A1CF: variants seen among roughly 807,000 people sequenced by gnomAD.
The protein encoded by A1CF is APOBEC-1 stimulating protein.
Under a neutral mutation model 68.9 loss-of-function variants are expected in A1CF, and 48 were observed. The observed-to-expected ratio is 0.70, with a 90% CI of 0.55 to 0.89. A1CF has a LOEUF of 0.89. A1CF is among the 40% of genes least tolerant of loss of function. The pLI, the probability that A1CF is intolerant of heterozygous loss-of-function variation, is 0.00. For missense variants in A1CF, 653 were observed against 718.9 expected (o/e 0.91, Z 1.05); for synonymous variants, 272 against 260.4 (o/e 1.04, Z -0.43).
chr10:50,869,117 C>T (rs976356289), intron 1 of A1CF, among the ~76,000 whole-genome samples: 4 of 151,892 alleles, frequency 2.6e-5, no homozygotes, highest in Non-Finnish European at 5.9e-5. Flanking sequence ...TAAATCTGCA[C>T]TTGTATCCCT....
intron 7 of A1CF, among the ~76,000 whole-genome samples, chr10:50,825,982 A>G (rs1333406205): frequency 6.6e-6 from 1 of 152,150 alleles, no homozygotes; most frequent in Non-Finnish European, 1.5e-5. Flanking sequence ...GGATGCTGCT[A>G]AACATCCTAC....
At chr10:50,881,805 G>A (rs185161908) in intron 1 of A1CF, among the ~76,000 whole-genome samples, 27 of 152,214 alleles carry the variant, frequency 1.8e-4, no homozygotes, top group Middle Eastern at 6.8e-3. Context: ...ACTTAACTGT[G>A]CAAATCAGAA....
chr10:50,819,371 C>T (rs893935151), intron 8 of A1CF, among the ~76,000 whole-genome samples: 1 of 152,160 alleles, frequency 6.6e-6, no homozygotes, highest in Non-Finnish European at 1.5e-5. Flanking sequence ...AATCCTTCTA[C>T]CTCAGCCTCC....
At chr10:50,852,490 A>G (rs968160055) in intron 3 of A1CF, among the ~76,000 whole-genome samples, 3 of 152,134 alleles carry the variant, frequency 2.0e-5, no homozygotes, top group Non-Finnish European at 2.9e-5. Flanking sequence ...CTGGGGTGAT[A>G]AGCTTAGGGA....
At chr10:50,866,420 C>A (rs1840993152) in intron 1 of A1CF, among the ~76,000 whole-genome samples, 1 of 152,162 alleles carries the variant, frequency 6.6e-6, no homozygotes, top group Non-Finnish European at 1.5e-5. Flanking sequence ...GAATAGCTCA[C>A]CTCGTCACTT....
At chr10:50,813,834 A>G (rs775356280) in intron 10 of A1CF, 23 bp downstream of exon 10, 3 of 1,607,572 alleles carry the variant, frequency 1.9e-6, no homozygotes, top group Middle Eastern at 3.3e-4. Flanking sequence ...TAAAGAAACT[A>G]TTTCTGGAAT....
rs747149839 is a variant in A1CF, at chr10:50,809,841, G to A, written c.1609+53C>T. ...CTGTGATTCAATGGTACCAAAAAAGGGTTTCCCAAATACTCTCTGCAGGGC... is the reference window on the plus strand; with the variant it reads ...CTGTGATTCAATGGTACCAAAAAAGAGTTTCCCAAATACTCTCTGCAGGGC... On this transcript the variant is annotated intron_variant, in intron 12 of 12. Transcript: ENST00000373997. 2.7e-5 allele frequency: 43 copies of A among 1,603,776 alleles called. No individual in the cohort carries two copies. In the South Asian group the frequency reaches 3.5e-4, roughly 13 times the overall value.
At position 50,836,327 on chromosome 10, in the gene A1CF, G is replaced by A. The variant is rs1839492712; in HGVS notation, c.366-15C>T. The stretch of plus-strand genomic sequence containing the variant: ...GGCGCCCATTTCTGCAAAAAGAGCA[G>A]GGATTTTGATTGATGAGAATCCTTG... On this transcript the variant is annotated splice_polypyrimidine_tract_variant and intron_variant, in intron 5 of 12. Transcript: ENST00000373997. 1 of 1,606,744 alleles carries A rather than the reference G, an allele frequency of 6.2e-7. No homozygotes were observed. The highest frequency in any genetic ancestry group is 8.5e-7 in the Non-Finnish European group (1 of 1,177,144).
At chr10:50,817,105 A>G (rs1424634147) in intron 8 of A1CF, among the ~76,000 whole-genome samples, 1 of 152,202 alleles carries the variant, frequency 6.6e-6, no homozygotes, top group Non-Finnish European at 1.5e-5. Flanking sequence ...GGATGTATGT[A>G]GATCTACGTG....
rs1837819027 is a variant in A1CF at position 50,806,391 on chromosome 10, C to T, written c.*338G>A. 3 of 162,168 alleles carry T rather than the reference C, an allele frequency of 1.8e-5. No individual in the cohort carries two copies. In the Admixed American group the frequency reaches 1.9e-4, roughly 10 times the overall value. The allele number at this position is 162,168 out of a possible 1,614,324, so 10.0% of individuals were successfully genotyped here. The stretch of plus-strand genomic sequence containing the variant: ...TATTACTGACTGCCCAGGTCTGCTC[C>T]ATCCCTCCCAAATCTTGCCAGCTAC... On this transcript the variant is annotated 3_prime_UTR_variant, in exon 13 of 13. Coordinates refer to ENST00000373997, the MANE Select transcript of A1CF (RefSeq NM_014576.4).
chr10:50,881,258 G>T (rs1314095773), intron 1 of A1CF, among the ~76,000 whole-genome samples: 1 of 152,154 alleles, frequency 6.6e-6, no homozygotes, highest in African/African-American at 2.4e-5. Context: ...CATAGTGTTC[G>T]AATTACAGGC....
chr10:50,875,105 T>C (rs1488576572), intron 1 of A1CF, among the ~76,000 whole-genome samples: 1 of 152,140 alleles, frequency 6.6e-6, no homozygotes, highest in East Asian at 1.9e-4. Flanking sequence ...ATGGACCATA[T>C]ACTCACATAA....
In A1CF at chr10:50,806,819, G is replaced by A; in HGVS notation, c.1671C>T (p.Thr557=). Residue 557 remains threonine (T), a synonymous_variant, in exon 13 of 13, where the codon ACC becomes ACT. Transcript: ENST00000373997. ...VSAAQLKQAV[T]LGQDLAAYTT... The stretch of plus-strand genomic sequence containing the variant: ...TATATGCTGCTAAGTCTTGTCCAAG[G>A]GTTACCGCTTGCTTGAGCTGGGCTG... 1.2e-6 allele frequency: 2 copies of A among 1,613,634 alleles called. No homozygotes were observed. The highest frequency in any genetic ancestry group is 1.7e-6 in the Non-Finnish European group (2 of 1,179,738).
At chr10:50,832,126 A>G (rs774557365) in intron 6 of A1CF, among the ~76,000 whole-genome samples, 1 of 152,234 alleles carries the variant, frequency 6.6e-6, no homozygotes, top group African/African-American at 2.4e-5. Context: ...ATGTTTATTG[A>G]AGCATTATTC....
chr10:50,808,465 G>A (rs1837938173), intron 12 of A1CF, among the ~76,000 whole-genome samples: 1 of 152,194 alleles, frequency 6.6e-6, no homozygotes. Context: ...TGTCTTTGGG[G>A]TGCAGCTTTC....
chr10:50,878,284 T>G (rs183179808), intron 1 of A1CF, among the ~76,000 whole-genome samples: 9 of 152,358 alleles, frequency 5.9e-5, no homozygotes, highest in African/African-American at 2.2e-4. Flanking sequence ...CTCTTTCTCA[T>G]CTATTTTCCT....
chr10:50,841,267 C>T (rs1423156247), intron 5 of A1CF, among the ~76,000 whole-genome samples: 2 of 152,226 alleles, frequency 1.3e-5, no homozygotes, highest in Non-Finnish European at 2.9e-5. Flanking sequence ...GTCCTCCTCT[C>T]TTTACCCTCT....
At chr10:50,852,660 C>T (rs1840301438) in intron 3 of A1CF, among the ~76,000 whole-genome samples, 1 of 152,086 alleles carries the variant, frequency 6.6e-6, no homozygotes, top group South Asian at 2.1e-4. Context: ...AAAAGTAGGA[C>T]CCAGGAGCTA....
chr10:50,875,281 A>T, intron 1 of A1CF, among the ~76,000 whole-genome samples: 1 of 147,552 alleles, frequency 6.8e-6, no homozygotes, highest in African/African-American at 2.5e-5. Flanking sequence ...TCCTTGAAGT[A>T]CCTTAAAAAA....
Sources: gnomAD v4.1 joint callset for allele counts (sites outside exome capture counted in the v4.1 genomes callset) on GRCh38, gnomAD v4.1.1 for gene constraint, MANE v1.5 for transcripts, NCBI Gene and HGNC (gene_info 2026-07-23, HGNC 2026-07-21) for gene names.